The following SESTD1 variants were observed in gnomAD, a reference collection of about 807,000 sequenced individuals.
SESTD1 encodes SEC14 domain and spectrin repeat-containing protein 1.
A neutral mutation model predicts 101.7 loss-of-function variants in SESTD1; 43 were observed. That is an observed-to-expected ratio of 0.42 (90% CI 0.33 to 0.55). The LOEUF (loss-of-function observed/expected upper bound fraction) is 0.55, where lower values mean the gene tolerates loss of function less well. SESTD1 is among the 20% of genes least tolerant of loss of function. SESTD1 has a pLI of 0.07. For synonymous variants in SESTD1, 283 were observed against 286.8 expected, an observed-to-expected ratio of 0.99 and a Z score of 0.13; for missense variants, 647 against 815.1, an observed-to-expected ratio of 0.79 and a Z score of 2.51.
intron 2 of SESTD1, among the ~76,000 whole-genome samples, chr2:179,185,647 A>G (rs2046207058): frequency 7.8e-6 from 1 of 128,004 alleles, no homozygotes; most frequent in African/African-American, 3.1e-5. Context: ...CATATTATAT[A>G]CAATATAGCA....
intron 9 of SESTD1, among the ~76,000 whole-genome samples, chr2:179,142,844 T>C (rs1353585216): frequency 1.3e-5 from 2 of 152,166 alleles, no homozygotes; most frequent in East Asian, 1.9e-4. Flanking sequence ...CCTAAACTTA[T>C]TGATAGTAAA....
intron 5 of SESTD1, among the ~76,000 whole-genome samples, chr2:179,152,126 A>G (rs2045542483): frequency 6.6e-6 from 1 of 152,238 alleles, no homozygotes; most frequent in African/African-American, 2.4e-5. Context: ...TAAATGACAT[A>G]TGGAAATGTG....
In SESTD1 at chr2:179,176,550, T is replaced by G. The variant is rs1387285416; in HGVS notation, c.165-12A>C. 1 of 1,605,854 alleles carries G rather than the reference T, an allele frequency of 6.2e-7. No individual in the cohort carries two copies. Among genetic ancestry groups the G allele is most frequent in the African/African-American group, 1.3e-5 (1 of 74,742 alleles). ...CCTTACACTTCTCACTGAAACAAAA[T>G]AAAATTACAAAGCATTAAAACAAGC... On this transcript the variant is annotated splice_polypyrimidine_tract_variant and intron_variant, in intron 3 of 17. Coordinates refer to ENST00000428443, the MANE Select transcript of SESTD1 (RefSeq NM_178123.5).
intron 16 of SESTD1, among the ~76,000 whole-genome samples, chr2:179,114,232 T>A (rs2154393726): frequency 6.6e-6 from 1 of 152,302 alleles, no homozygotes; most frequent in Non-Finnish European, 1.5e-5. Context: ...CAGCTGAGAA[T>A]GAGTTAACTA....
At chr2:179,221,415 C>T (rs192592339) in intron 1 of SESTD1, among the ~76,000 whole-genome samples, 87 of 151,976 alleles carry the variant, frequency 5.7e-4, no homozygotes, top group African/African-American at 2.0e-3. Context: ...GCGTTCAAGA[C>T]CAGCCTGGCC....
chr2:179,237,958 T>C (rs1425044311), intron 1 of SESTD1, among the ~76,000 whole-genome samples: 2 of 152,214 alleles, frequency 1.3e-5, no homozygotes, highest in Admixed American at 6.5e-5. Context: ...AATCCACATG[T>C]AACTTCAGAC....
chr2:179,135,039 G>C (rs1422512993), intron 9 of SESTD1, among the ~76,000 whole-genome samples: 1 of 152,118 alleles, frequency 6.6e-6, no homozygotes, highest in Non-Finnish European at 1.5e-5. Flanking sequence ...CTGCCTCCCA[G>C]GTTCAAGCGA....
At chr2:179,239,393 G>GGT (rs1553531733) in intron 1 of SESTD1, among the ~76,000 whole-genome samples, 34 of 149,556 alleles carry the variant, frequency 2.3e-4, no homozygotes, top group Middle Eastern at 3.5e-3. Context: ...GAAGTACAAG[G>GGT]TTTTTTTTTT....
At chr2:179,127,806 T>C (rs543056029) in intron 10 of SESTD1, among the ~76,000 whole-genome samples, 6 of 152,348 alleles carry the variant, frequency 3.9e-5, no homozygotes, top group African/African-American at 1.4e-4. Flanking sequence ...AGAATATTTT[T>C]AAACTACATA....
intron 9 of SESTD1, among the ~76,000 whole-genome samples, chr2:179,138,219 C>T (rs561447389): frequency 6.6e-6 from 1 of 152,230 alleles, no homozygotes; most frequent in African/African-American, 2.4e-5. Context: ...CTTCCTTACC[C>T]AGTTGAGCTG....
intron 10 of SESTD1, chr2:179,131,964 G>A (rs2105427904): frequency 6.2e-6 from 1 of 162,062 alleles, no homozygotes; most frequent in Non-Finnish European, 1.3e-5. Context: ...TGGGGGTGAG[G>A]GGGACTTGAA....
rs1341172204 is a variant in SESTD1, at chr2:179,234,549, G to A, written c.-26+29950C>T. Among the ~76,000 whole-genome samples the A allele has an allele frequency of 3.3e-5, 5 of 152,128 alleles. No individual in the cohort carries two copies. The East Asian group carries it at 5.8e-4, about 18-fold the overall frequency. On this transcript the variant is annotated intron_variant, in intron 1 of 17. Coordinates refer to ENST00000428443, the MANE Select transcript of SESTD1 (RefSeq NM_178123.5). The stretch of plus-strand genomic sequence containing the variant: ...TCCCAGCACTTTGTGGGGCTGAGGC[G>A]GGTAGATCACTTGGGGTCAGGAGTT...
At chr2:179,111,547 G>A (rs1385397162) in intron 17 of SESTD1, among the ~76,000 whole-genome samples, 1 of 152,126 alleles carries the variant, frequency 6.6e-6, no homozygotes, top group Non-Finnish European at 1.5e-5. Context: ...TGAGACCTCT[G>A]GCTCCAGAGT....
At chr2:179,156,650 T>TA (rs1476715532) in intron 5 of SESTD1, among the ~76,000 whole-genome samples, 1 of 152,204 alleles carries the variant, frequency 6.6e-6, no homozygotes, top group Non-Finnish European at 1.5e-5. Context: ...TTCATGTCCT[T>TA]AGCCTACTTT....
intron 1 of SESTD1, among the ~76,000 whole-genome samples, chr2:179,249,435 ATACT>A (rs1347123943): frequency 1.3e-5 from 2 of 152,174 alleles, no homozygotes; most frequent in East Asian, 1.9e-4. Context: ...AAAAAATTAA[ATACT>A]TAGTTATAAA....
chr2:179,196,618 G>C (rs571642805), intron 1 of SESTD1, among the ~76,000 whole-genome samples: 1 of 152,284 alleles, frequency 6.6e-6, no homozygotes, highest in Non-Finnish European at 1.5e-5. Flanking sequence ...TCTGAGAATG[G>C]GCAGACTGCC....
chr2:179,132,401 C>G lies in SESTD1; in HGVS notation c.875G>C (p.Gly292Ala). 6.4e-7 allele frequency: 1 copy of G among 1,561,204 alleles called. No homozygotes were observed. Among genetic ancestry groups the G allele is most frequent in the Non-Finnish European group, 8.6e-7 (1 of 1,162,708 alleles). ...CCACTGGGCTCTTAGTTGTTCTGAT[C>G]CAGGCCCTTCTAGCCAGTTCACCAC... The part of the protein sequence containing the change: ...MQVVNWLEGP[G>A]SEQLRAQWGI... The change falls in exon 10 of 18, where the codon GGA becomes GCA. Residue 292 changes from glycine (G) to alanine (A), a missense_variant. By Grantham distance (60) the Gly-to-Ala change is moderately conservative. Transcript: ENST00000428443.
chr2:179,192,440 T>C lies in SESTD1; in HGVS notation c.-25-574A>G, dbSNP rs2105497628. Reference sequence around the variant, plus strand: ...TTATCTCACTACATTTTCTAATACATTGTTTCAATTTTTGCCCCCATTGTT... The same window carrying C: ...TTATCTCACTACATTTTCTAATACACTGTTTCAATTTTTGCCCCCATTGTT... On this transcript the variant is annotated intron_variant, in intron 1 of 17. Transcript: ENST00000428443. 1.3e-5 allele frequency among the ~76,000 whole-genome samples: 2 copies of C among 152,282 alleles called. 1 individual carries two copies. The highest frequency in any genetic ancestry group is 4.1e-4 in the South Asian group (2 of 4,832).
rs1355160234 is a variant in SESTD1, at chr2:179,105,722, T to C, written c.*4177A>G. On this transcript the variant is annotated 3_prime_UTR_variant, in exon 18 of 18. Transcript: ENST00000428443. ...TTGGCTTCAACAATTCTTTATATCA[T>C]ATTTTATTCTTGAAATTGGTATGAC... 1 of 152,222 alleles carries C rather than the reference T, an allele frequency of 6.6e-6. No individual in the cohort carries two copies. The highest frequency in any genetic ancestry group is 1.5e-5 in the Non-Finnish European group (1 of 68,030). The allele number at this position is 152,222 out of a possible 1,614,324, so 9.4% of individuals were successfully genotyped here. A position where few individuals can be genotyped will look rare whatever the true frequency, so the allele number is the denominator to read the frequency against.
Sources: allele counts gnomAD v4.1 joint callset (sites outside exome capture counted in the v4.1 genomes callset), GRCh38; gene constraint gnomAD v4.1.1; transcripts MANE v1.5; gene names NCBI Gene and HGNC (gene_info 2026-07-23, HGNC 2026-07-21).